ASB11: variants seen among roughly 807,000 people sequenced by gnomAD.
ASB11 encodes the protein ankyrin repeat and SOCS box protein 11.
ASB11 carries 17 observed loss-of-function variants against 20.1 expected under a neutral mutation model. That is an observed-to-expected ratio of 0.85 (90% CI 0.58 to 1.27). ASB11 has a LOEUF of 1.27. ASB11 is among the 50% of genes most tolerant of loss of function. ASB11 has a pLI of 0.00. For synonymous variants in ASB11, 107 were observed against 105.6 expected (o/e 1.01, Z -0.08); for missense variants, 259 against 256.9 (o/e 1.01, Z -0.06).
At position 15,283,218 on chromosome X, in the gene ASB11, C is replaced by A; in HGVS notation, c.*287G>T. On this transcript the variant is annotated 3_prime_UTR_variant, in exon 7 of 7. Transcript: ENST00000480796. ...TTTTAGGTACAAGAAGATCCCGAAT[C>A]ATCAAAAAACAGCCTATTGTTTTCA... is the stretch of plus-strand genomic sequence containing the variant. 1 of 208,934 alleles carries A rather than the reference C, an allele frequency of 4.8e-6. No homozygotes were observed. Among genetic ancestry groups the A allele is most frequent in the Non-Finnish European group, 8.8e-6 (1 of 113,530 alleles). 17.2% of individuals were successfully genotyped at this position (208,934 alleles called of 1,213,427 possible). A position where few individuals can be genotyped will look rare whatever the true frequency, so the allele number is the denominator to read the frequency against.
rs765995260 is a variant in ASB11, at chrX:15,284,013, G to T, written c.848-384C>A. 7.2e-5 allele frequency among the ~76,000 whole-genome samples: 8 copies of T among 110,375 alleles called. No homozygotes were observed. In the East Asian group the frequency reaches 2.3e-3, roughly 32 times the overall value. On this transcript the variant is annotated intron_variant, in intron 6 of 6. Coordinates refer to ENST00000480796, the MANE Select transcript of ASB11 (RefSeq NM_080873.3). The stretch of plus-strand genomic sequence containing the variant: ...CACGCCTGTAATCCCAGCACTTTGG[G>T]AGGCCAAGGTGGGCGGATCACGAGG...
At chrX:15,307,643 G>A (rs1468927032) in intron 1 of ASB11, among the ~76,000 whole-genome samples, 1 of 111,681 alleles carries the variant, frequency 9.0e-6, no homozygotes, top group Admixed American at 9.5e-5. Flanking sequence ...GTGGCCTGGG[G>A]GTTGGAGACC....
intron 2 of ASB11, among the ~76,000 whole-genome samples, chrX:15,299,712 C>G (rs1921009240): frequency 9.0e-6 from 1 of 110,999 alleles, no homozygotes; most frequent in Non-Finnish European, 1.9e-5. Context: ...GGGGTACATT[C>G]AGATGGTTGG....
chrX:15,289,570 C>T lies in ASB11; in HGVS notation c.589G>A (p.Gly197Arg), dbSNP rs368512399. Residue 197 changes from glycine to arginine, a missense_variant, in exon 5 of 7, where the codon GGA (glycine) becomes AGA (arginine). Coordinates refer to ENST00000480796, the MANE Select transcript of ASB11 (RefSeq NM_080873.3). The stretch of plus-strand genomic sequence containing the variant: ...GTGCAGGCCACATATAGGGGAGTTC[C>T]GAGCTGAGGCACCTCATGGTCAATG... Reference protein sequence around the residue: ...VNIDHEVPQLGTPLYVACTYQ... With the variant: ...VNIDHEVPQLRTPLYVACTYQ... 155 of 1,206,728 alleles carry T rather than the reference C, an allele frequency of 1.3e-4. No individual in the cohort carries two copies. Among genetic ancestry groups the T allele is most frequent in the Non-Finnish European group, 1.7e-4 (148 of 892,522 alleles).
intron 3 of ASB11, among the ~76,000 whole-genome samples, chrX:15,296,495 A>G (rs903759194): frequency 8.9e-6 from 1 of 111,856 alleles, no homozygotes; most frequent in Admixed American, 9.5e-5. Context: ...GCAACTAAAC[A>G]CAGAAGATTT....
intron 6 of ASB11, among the ~76,000 whole-genome samples, chrX:15,287,589 T>C (rs906434254): frequency 2.7e-5 from 3 of 112,920 alleles, no homozygotes; most frequent in Non-Finnish European, 5.6e-5. Context: ...CCTCCCAAAG[T>C]GCTGGGATTA....
intron 2 of ASB11, among the ~76,000 whole-genome samples, chrX:15,300,250 C>T (rs1486201443): frequency 2.7e-5 from 3 of 111,593 alleles, no homozygotes; most frequent in Non-Finnish European, 5.6e-5. Context: ...AGTGGATCAC[C>T]TCAATTGTGC....
intron 2 of ASB11, among the ~76,000 whole-genome samples, chrX:15,298,781 A>G (rs1198557298): frequency 9.0e-6 from 1 of 111,539 alleles, no homozygotes; most frequent in East Asian, 2.8e-4. Context: ...ACAAAACAAT[A>G]ACTCCCAGGC....
chrX:15,288,932 T>C (rs747061607), intron 5 of ASB11, among the ~76,000 whole-genome samples: 2 of 111,635 alleles, frequency 1.8e-5, no homozygotes, highest in South Asian at 7.6e-4. Flanking sequence ...TTGGTTTCTG[T>C]ATATGCCTTT....
chrX:15,294,853 G>A (rs1295901890), intron 3 of ASB11, among the ~76,000 whole-genome samples: 1 of 103,551 alleles, frequency 9.7e-6, no homozygotes, highest in Admixed American at 1.0e-4. Flanking sequence ...AGTCTAGGAA[G>A]TTGTCTTCTT....
chrX:15,284,167 G>A (rs759186638), intron 6 of ASB11, among the ~76,000 whole-genome samples: 5 of 105,977 alleles, frequency 4.7e-5, no homozygotes, highest in East Asian at 3.0e-4. Flanking sequence ...CAGGAGAATG[G>A]CGTGAACCCG....
Position 15,282,858 on chromosome X carries a change from C to CAT in ASB11, c.*645_*646dup, listed in dbSNP as rs888932886. 8.6e-5 allele frequency: 9 copies of CAT among 104,618 alleles called. No homozygotes were observed. The highest frequency in any genetic ancestry group is 2.1e-4 in the Admixed American group (2 of 9,420). The allele number at this position is 104,618 out of a possible 1,213,427, so 8.6% of individuals were successfully genotyped here. A position where few individuals can be genotyped will look rare whatever the true frequency, so the allele number is the denominator to read the frequency against. ...CTTTATATATAAAGAACTTTGAAAACATATATATATAAGCTTTATACATAT... is the reference window on the plus strand; with the variant it reads ...CTTTATATATAAAGAACTTTGAAAACATATATATATATAAGCTTTATACATAT... On this transcript the variant is annotated 3_prime_UTR_variant, in exon 7 of 7. Coordinates refer to ENST00000480796, the MANE Select transcript of ASB11 (RefSeq NM_080873.3).
intron 5 of ASB11, 34 bp downstream of exon 5, chrX:15,289,470 C>G (rs933799960): frequency 8.8e-7 from 1 of 1,137,500 alleles, no homozygotes. Context: ...ACAAAGTTAA[C>G]AGGTTTCTTC....
chrX:15,290,419 G>A (rs771926873), intron 4 of ASB11, among the ~76,000 whole-genome samples: 1 of 112,079 alleles, frequency 8.9e-6, no homozygotes, highest in Non-Finnish European at 1.9e-5. Flanking sequence ...TATATGGCCT[G>A]CAACAGTACT....
At chrX:15,288,232 C>T (rs745625723) in intron 5 of ASB11, among the ~76,000 whole-genome samples, 160 bp from the exon 6 acceptor site, 101 of 112,594 alleles carry the variant, frequency 9.0e-4, no homozygotes, top group Non-Finnish European at 1.6e-3. Flanking sequence ...GCAATGCCTA[C>T]TAAGACTACT....
chrX:15,305,313 C>CA (rs1921200271), intron 1 of ASB11, among the ~76,000 whole-genome samples: 1 of 111,643 alleles, frequency 9.0e-6, no homozygotes, highest in Admixed American at 9.6e-5. Flanking sequence ...AATGCATAAC[C>CA]AAAATCTGAT....
Position 15,293,183 on chromosome X carries a change from C to G in ASB11, c.507G>C (p.Glu169Asp), listed in dbSNP as rs1225697243. ...TGGCTCATTTACCTCTCTTCACTGCCTCATGGATGGGCGAGGCCAGGTGCA... is the reference window on the plus strand; with the variant it reads ...TGGCTCATTTACCTCTCTTCACTGCGTCATGGATGGGCGAGGCCAGGTGCA... ...LEVHLASPIH[E>D]AVKRGHRECM... is the part of the protein sequence containing the mutation. The change falls in exon 4 of 7, where the codon GAG becomes GAC. Residue 169 changes from glutamate to aspartate, a missense_variant. Coordinates refer to ENST00000480796, the MANE Select transcript of ASB11 (RefSeq NM_080873.3). 2.5e-6 allele frequency: 3 copies of G among 1,210,117 alleles called. No individual in the cohort carries two copies. The highest frequency in any genetic ancestry group is 3.4e-6 in the Non-Finnish European group (3 of 894,837).
intron 5 of ASB11, among the ~76,000 whole-genome samples, chrX:15,289,007 G>A (rs200164931): frequency 8.9e-6 from 1 of 112,181 alleles, no homozygotes; most frequent in African/African-American, 3.2e-5. Context: ...TGTAGCAAAT[G>A]TCTGTTTTTA....
intron 5 of ASB11, among the ~76,000 whole-genome samples, chrX:15,288,607 G>A (rs967322966): frequency 9.0e-6 from 1 of 111,400 alleles, no homozygotes; most frequent in African/African-American, 3.3e-5. Flanking sequence ...TTTCCGGCCG[G>A]GCACAGTGGC....
Sources: gnomAD v4.1 joint callset for allele counts (sites outside exome capture counted in the v4.1 genomes callset) on GRCh38, gnomAD v4.1.1 for gene constraint, MANE v1.5 for transcripts, NCBI Gene and HGNC (gene_info 2026-07-23, HGNC 2026-07-21) for gene names.